Variants in GYPC observed in about 807,000 individuals in gnomAD.
The protein encoded by GYPC is glycophorin-C.
Under a neutral mutation model 12.6 loss-of-function variants are expected in GYPC, and 14 were observed. The observed-to-expected ratio is 1.11, with a 90% CI of 0.74 to 1.74. The LOEUF (loss-of-function observed/expected upper bound fraction) is 1.74. Ranked by LOEUF, GYPC falls within the 40% of genes most tolerant of loss-of-function variation. The probability of loss-of-function intolerance (pLI) is 0.00; values close to 1 mark genes in which losing one functional copy is unlikely to be tolerated. For synonymous variants in GYPC, 78 were observed against 62.1 expected, an observed-to-expected ratio of 1.26 and a Z score of -1.20; for missense variants, 225 against 172.1, an observed-to-expected ratio of 1.31 and a Z score of -1.72.
chr2:126,659,315 G>A (rs930533948), intron 1 of GYPC, among the ~76,000 whole-genome samples: 13 of 152,174 alleles, frequency 8.5e-5, no homozygotes, highest in African/African-American at 2.9e-4. Context: ...GTGAGGAAAC[G>A]TGCCCCAGAA....
chr2:126,656,406 T>C, intron 1 of GYPC, 94 bp downstream of exon 1: 1 of 1,111,310 alleles, frequency 9.0e-7, no homozygotes, highest in Non-Finnish European at 1.3e-6. Context: ...GACGCCCTGG[T>C]GTCCCGGTCC....
chr2:126,678,466 G>A (rs1683070269), intron 1 of GYPC: 1 of 152,232 alleles, frequency 6.6e-6, no homozygotes. Flanking sequence ...CTGAGCCTGT[G>A]TGCCTCTGGC....
intron 1 of GYPC, 112 bp downstream of exon 1, chr2:126,656,424 G>A (rs967438518): frequency 9.9e-6 from 9 of 913,604 alleles, no homozygotes; most frequent in Non-Finnish European, 1.5e-5. Flanking sequence ...TCCGTGCCGG[G>A]CCTCCAGGCG....
chr2:126,686,224 T>C (rs768809927), intron 1 of GYPC: 3 of 985,446 alleles, frequency 3.0e-6, no homozygotes, highest in Non-Finnish European at 3.6e-6. Context: ...ACCCCTGCTC[T>C]CCGTCCACAT....
chr2:126,688,492 A>G (rs193242120), intron 1 of GYPC, among the ~76,000 whole-genome samples: 154 of 152,314 alleles, frequency 1.0e-3, no homozygotes, highest in African/African-American at 3.6e-3. Flanking sequence ...ACTGTAATAA[A>G]GTCTAGCACC....
chr2:126,666,916 A>T (rs1157370469), intron 1 of GYPC, among the ~76,000 whole-genome samples: 1 of 152,016 alleles, frequency 6.6e-6, no homozygotes. Context: ...GATCCTACTG[A>T]CCTCCCAGAG....
intron 2 of GYPC, among the ~76,000 whole-genome samples, chr2:126,691,594 C>T (rs1683467709): frequency 6.6e-6 from 1 of 152,098 alleles, no homozygotes; most frequent in African/African-American, 2.4e-5. Context: ...AGTTAATAGC[C>T]TCATTTTTCC....
chr2:126,669,540 T>A (rs1357037331), intron 1 of GYPC, among the ~76,000 whole-genome samples: 1 of 152,182 alleles, frequency 6.6e-6, no homozygotes, highest in Non-Finnish European at 1.5e-5. Context: ...GTACATTGAT[T>A]TATATCAGGC....
rs1419733249 is a variant in GYPC at position 126,696,380 on chromosome 2, T to C, written c.*238T>C. Reference sequence around the variant, plus strand: ...CGATGGCCACCCCAGAGGCCACCTTTTGCTCCACGGAGGTGGGAGAAAATC... The same window carrying C: ...CGATGGCCACCCCAGAGGCCACCTTCTGCTCCACGGAGGTGGGAGAAAATC... On this transcript the variant is annotated 3_prime_UTR_variant, in exon 4 of 4. Transcript: ENST00000259254. The C allele has an allele frequency of 1.9e-6, 1 of 515,792 alleles. No individual in the cohort carries two copies. The highest frequency in any genetic ancestry group is 1.9e-5 in the African/African-American group (1 of 51,950). 32.0% of individuals were successfully genotyped at this position (515,792 alleles called of 1,614,324 possible). A position where few individuals can be genotyped will look rare whatever the true frequency, so the allele number is the denominator to read the frequency against.
chr2:126,656,663 A>G (rs912191620), intron 1 of GYPC, among the ~76,000 whole-genome samples: 1 of 152,236 alleles, frequency 6.6e-6, no homozygotes, highest in South Asian at 2.1e-4. Flanking sequence ...AAGAACAGTT[A>G]GGTGAGAGTT....
chr2:126,677,719 G>A (rs1315926206), intron 1 of GYPC, among the ~76,000 whole-genome samples: 1 of 152,064 alleles, frequency 6.6e-6, no homozygotes, highest in African/African-American at 2.4e-5. Flanking sequence ...ATGAGCACAC[G>A]AGGGTCCGGG....
At chr2:126,674,981 G>A (rs1247259938) in intron 1 of GYPC, among the ~76,000 whole-genome samples, 2 of 152,166 alleles carry the variant, frequency 1.3e-5, no homozygotes, top group Non-Finnish European at 2.9e-5. Flanking sequence ...GATTTCACTG[G>A]CTTCCTGTAT....
chr2:126,664,977 C>G (rs866156102), intron 1 of GYPC, among the ~76,000 whole-genome samples: 2,728 of 151,762 alleles, frequency 0.018, 108 homozygotes, highest in African/African-American at 0.063. Flanking sequence ...CTCTCTCTCT[C>G]TGTGTCTCTC....
Position 126,696,032 on chromosome 2 carries a change from A to G in GYPC, c.277A>G (p.Thr93Ala), listed in dbSNP as rs1458699567. 6.2e-7 allele frequency: 1 copy of G among 1,614,098 alleles called. No individual in the cohort carries two copies. Among genetic ancestry groups the G allele is most frequent in the Non-Finnish European group, 8.5e-7 (1 of 1,179,952 alleles). ...GTACCGGCACAAGGGCACGTACCAC[A>G]CCAATGAGGCCAAGGGCACGGAGTT... ...YMYRHKGTYH[T>A]NEAKGTEFAE... Residue 93 changes from threonine to alanine, a missense_variant, in exon 4 of 4, where the codon ACC becomes GCC. Transcript: ENST00000259254.
At chr2:126,681,147 ACTT>A (rs1250479186) in intron 1 of GYPC, among the ~76,000 whole-genome samples, 2 of 152,228 alleles carry the variant, frequency 1.3e-5, no homozygotes, top group African/African-American at 4.8e-5. Context: ...TAACCCGTCT[ACTT>A]CTTAAAAGCC....
chr2:126,657,428 G>A (rs1682394546), intron 1 of GYPC, among the ~76,000 whole-genome samples: 1 of 152,236 alleles, frequency 6.6e-6, no homozygotes, highest in South Asian at 2.1e-4. Context: ...TAGGAAAGTA[G>A]GAATAATAAC....
intron 3 of GYPC, among the ~76,000 whole-genome samples, chr2:126,694,398 C>G (rs1683580913): frequency 6.6e-6 from 1 of 152,138 alleles, no homozygotes; most frequent in Non-Finnish European, 1.5e-5. Flanking sequence ...GCAAGGGGCT[C>G]CCCATGGGTC....
chr2:126,666,520 A>T (rs1041277104), intron 1 of GYPC, among the ~76,000 whole-genome samples: 2 of 152,134 alleles, frequency 1.3e-5, no homozygotes, highest in Non-Finnish European at 2.9e-5. Context: ...GAATTTACAC[A>T]ACCAGGTTGC....
At chr2:126,659,989 A>G (rs1288805631) in intron 1 of GYPC, among the ~76,000 whole-genome samples, 3 of 152,028 alleles carry the variant, frequency 2.0e-5, no homozygotes, top group Non-Finnish European at 4.4e-5. Context: ...TTTCGGATGA[A>G]ACACCAGAGG....
Sources: allele counts gnomAD v4.1 joint callset (sites outside exome capture counted in the v4.1 genomes callset), GRCh38; gene constraint gnomAD v4.1.1; transcripts MANE v1.5; gene names NCBI Gene and HGNC (gene_info 2026-07-23, HGNC 2026-07-21).